The following NSMCE2 variants were observed in gnomAD, a reference collection of about 807,000 sequenced individuals.
The protein encoded by NSMCE2 is NSE2 SUMO ligase component of SMC5/6 complex.
NSMCE2 carries 24 observed loss-of-function variants against 23.8 expected under a neutral mutation model. The ratio of observed to expected loss-of-function variants is 1.01; its 90% confidence interval spans 0.73 to 1.42. NSMCE2 has a LOEUF of 1.42. NSMCE2 is among the 40% of genes most tolerant of loss of function. The pLI, the probability that NSMCE2 is intolerant of heterozygous loss-of-function variation, is 0.00. For synonymous variants in NSMCE2, 92 were observed against 94.1 expected, an observed-to-expected ratio of 0.98 and a Z score of 0.13; for missense variants, 284 against 296.5, an observed-to-expected ratio of 0.96 and a Z score of 0.31.
intron 3 of NSMCE2, 146 bp downstream of exon 3, chr8:125,102,633 G>A: frequency 4.7e-6 from 3 of 640,290 alleles, no homozygotes; most frequent in East Asian, 2.7e-5. Flanking sequence ...ACACACCGCA[G>A]CAGGGTACTG....
chr8:125,130,038 A>G (rs533521729), intron 3 of NSMCE2, among the ~76,000 whole-genome samples: 19 of 152,226 alleles, frequency 1.2e-4, no homozygotes, highest in East Asian at 9.7e-4. Context: ...CTGGGATCCA[A>G]TCCAGGATAT....
rs558629081 is a variant in NSMCE2 at position 125,262,999 on chromosome 8, C to G, written c.418+80743C>G. On this transcript the variant is annotated intron_variant, in intron 5 of 7. Transcript: ENST00000287437. ...GATCTATATGTTTATGCTGGTCAGT[C>G]TTACCATTTCCTCCACTTCCTGTGC... 1.7e-3 allele frequency among the ~76,000 whole-genome samples: 266 copies of G among 152,288 alleles called. 1 individual carries two copies. Among genetic ancestry groups the G allele is most frequent in the Middle Eastern group, 6.8e-3 (2 of 294 alleles).
intron 3 of NSMCE2, among the ~76,000 whole-genome samples, chr8:125,139,763 A>G (rs1288603975): frequency 1.3e-5 from 2 of 152,166 alleles, no homozygotes; most frequent in South Asian, 2.1e-4. Flanking sequence ...CAGCCAAACT[A>G]TATCATCTTC....
At chr8:125,187,430 G>A (rs1039062482) in intron 5 of NSMCE2, among the ~76,000 whole-genome samples, 2 of 152,154 alleles carry the variant, frequency 1.3e-5, no homozygotes, top group African/African-American at 4.8e-5. Flanking sequence ...AGACTTTCTT[G>A]GGTGAAATAA....
At chr8:125,361,178 G>A (rs945364583) in intron 7 of NSMCE2, among the ~76,000 whole-genome samples, 1 of 146,288 alleles carries the variant, frequency 6.8e-6, no homozygotes, top group African/African-American at 2.6e-5. Flanking sequence ...AGCAATTCTC[G>A]TGCCTCAGCC....
chr8:125,254,817 A>G (rs1425725836), intron 5 of NSMCE2, among the ~76,000 whole-genome samples: 1 of 152,156 alleles, frequency 6.6e-6, no homozygotes. Context: ...GAATCCTTTC[A>G]TTCAGCAAAC....
chr8:125,316,662 C>CTTAT (rs1337381347), intron 5 of NSMCE2, among the ~76,000 whole-genome samples: 839 of 76,514 alleles, frequency 0.011, 43 homozygotes, highest in Admixed American at 0.033. Context: ...TTCTTTCCTT[C>CTTAT]CTTCCTTCTT....
chr8:125,282,693 G>A (rs1012315816), intron 5 of NSMCE2, among the ~76,000 whole-genome samples: 29 of 152,174 alleles, frequency 1.9e-4, no homozygotes, highest in Admixed American at 5.9e-4. Context: ...GTTACTCCCC[G>A]TTGTCTGTGT....
intron 5 of NSMCE2, among the ~76,000 whole-genome samples, chr8:125,286,945 C>G (rs775086154): frequency 6.6e-6 from 1 of 152,118 alleles, no homozygotes. Context: ...CTTCAGTAGA[C>G]GCCAATTGGG....
At chr8:125,180,576 A>G (rs1369568617) in intron 4 of NSMCE2, among the ~76,000 whole-genome samples, 1 of 152,256 alleles carries the variant, frequency 6.6e-6, no homozygotes, top group Non-Finnish European at 1.5e-5. Flanking sequence ...AGATTCAGAG[A>G]GATTAGAAGT....
chr8:125,254,605 ATT>A (rs34565896), intron 5 of NSMCE2, among the ~76,000 whole-genome samples: 1 of 148,180 alleles, frequency 6.7e-6, no homozygotes, highest in East Asian at 2.0e-4. Context: ...TTTACCTCAG[ATT>A]TTTTTTTTTT....
intron 5 of NSMCE2, among the ~76,000 whole-genome samples, chr8:125,326,693 C>T (rs985433568): frequency 1.6e-4 from 24 of 152,240 alleles, no homozygotes; most frequent in South Asian, 4.1e-4. Flanking sequence ...CAATGGCTCA[C>T]GCCTGTAATC....
At chr8:125,357,071 AAAGCAGAAGAG>A in intron 5 of NSMCE2, 137 bp from the exon 6 acceptor site, 1 of 609,344 alleles carries the variant, frequency 1.6e-6, no homozygotes. Flanking sequence ...TGTTCTCTGA[AAAGCAGAAGAG>A]TTTCTATGCA....
chr8:125,264,313 A>T lies in NSMCE2; in HGVS notation c.418+82057A>T, dbSNP rs149748865. Among the ~76,000 whole-genome samples, 10 of 152,308 alleles carry T rather than the reference A, an allele frequency of 6.6e-5. No individual in the cohort carries two copies. The East Asian group carries it at 1.2e-3, about 18-fold the overall frequency. On this transcript the variant is annotated intron_variant, in intron 5 of 7. Coordinates refer to ENST00000287437, the MANE Select transcript of NSMCE2 (RefSeq NM_173685.4). ...TAAAAAGGTTATAACCCTCAACAGG[A>T]TGGAGAACATATGCCTTATGTATAT...
chr8:125,315,392 G>A (rs1238388619), intron 5 of NSMCE2, among the ~76,000 whole-genome samples: 8 of 152,166 alleles, frequency 5.3e-5, no homozygotes, highest in Non-Finnish European at 1.2e-4. Flanking sequence ...ACAGTGAGGG[G>A]CTGAGTTTTG....
intron 3 of NSMCE2, among the ~76,000 whole-genome samples, chr8:125,116,058 T>A (rs1818992659): frequency 6.6e-6 from 1 of 152,180 alleles, no homozygotes; most frequent in Admixed American, 6.5e-5. Flanking sequence ...CCCCATGACC[T>A]CGATTTATCT....
intron 5 of NSMCE2, among the ~76,000 whole-genome samples, chr8:125,285,388 T>G (rs1827851659): frequency 6.6e-6 from 1 of 152,126 alleles, no homozygotes; most frequent in South Asian, 2.1e-4. Context: ...AGAGCCTGAG[T>G]TAGCAGCTCT....
chr8:125,101,518 T>G (rs1242931778), intron 1 of NSMCE2, among the ~76,000 whole-genome samples: 1 of 152,206 alleles, frequency 6.6e-6, no homozygotes, highest in Non-Finnish European at 1.5e-5. Context: ...CCATAGAGCC[T>G]TGTTAATAGC....
At chr8:125,119,099 A>T (rs980900202) in intron 3 of NSMCE2, among the ~76,000 whole-genome samples, 3 of 152,144 alleles carry the variant, frequency 2.0e-5, no homozygotes, top group Non-Finnish European at 4.4e-5. Context: ...CAGAAAGTTG[A>T]GTAGTTTCCT....
Sources: gnomAD v4.1 joint callset for allele counts (sites outside exome capture counted in the v4.1 genomes callset) on GRCh38, gnomAD v4.1.1 for gene constraint, MANE v1.5 for transcripts, NCBI Gene and HGNC (gene_info 2026-07-23, HGNC 2026-07-21) for gene names.